Variants in ARL8B observed in about 807,000 individuals in gnomAD.
ARL8B encodes the protein ADP-ribosylation factor-like protein 8B.
In ARL8B, 9 loss-of-function variants were observed where a neutral mutation model predicts 30.6. The observed-to-expected ratio is 0.29, with a 90% CI of 0.18 to 0.51. The LOEUF is 0.51. Among genes scored for constraint, ARL8B ranks in the 20% least tolerant of loss-of-function variants. ARL8B has a pLI of 0.97. For missense variants in ARL8B, 130 were observed against 227.2 expected (o/e 0.57, Z 2.75); for synonymous variants, 74 against 76.0 (o/e 0.97, Z 0.14).
chr3:5,122,360 G>C lies in ARL8B; in HGVS notation c.-106G>C, dbSNP rs568261393. On this transcript the variant is annotated 5_prime_UTR_variant, in exon 1 of 7. Coordinates refer to ENST00000256496, the MANE Select transcript of ARL8B (RefSeq NM_018184.3). Reference sequence around the variant, plus strand: ...CGGTGTCCGCCCGTGTCGCGCCGGGGCACCAAGGAGCCGTTGGAGGGTCCG... The same window carrying C: ...CGGTGTCCGCCCGTGTCGCGCCGGGCCACCAAGGAGCCGTTGGAGGGTCCG... 1.9e-6 allele frequency: 3 copies of C among 1,563,298 alleles called. No individual in the cohort carries two copies. Among genetic ancestry groups the C allele is most frequent in the South Asian group, 1.2e-5 (1 of 86,318 alleles).
intron 4 of ARL8B, among the ~76,000 whole-genome samples, chr3:5,173,569 T>G (rs2054697544): frequency 6.6e-6 from 1 of 152,062 alleles, no homozygotes; most frequent in African/African-American, 2.4e-5. Context: ...ACCCCGTCTC[T>G]ACTACAAAAA....
intron 1 of ARL8B, among the ~76,000 whole-genome samples, chr3:5,141,985 C>A (rs1051036522): frequency 6.6e-6 from 1 of 152,232 alleles, no homozygotes; most frequent in South Asian, 2.1e-4. Context: ...TTCGGCACTC[C>A]CCTAGGGACT....
At chr3:5,134,231 A>G (rs1321513178) in intron 1 of ARL8B, among the ~76,000 whole-genome samples, 5 of 152,180 alleles carry the variant, frequency 3.3e-5, no homozygotes, top group Non-Finnish European at 5.9e-5. Flanking sequence ...CGTTTTGCCA[A>G]TGTTTCGGAC....
intron 1 of ARL8B, among the ~76,000 whole-genome samples, chr3:5,159,178 T>C (rs2054557786): frequency 1.3e-5 from 2 of 151,686 alleles, no homozygotes; most frequent in South Asian, 4.2e-4. Flanking sequence ...TGTGTGCCTG[T>C]AGTCCCAGTT....
chr3:5,163,275 C>A (rs922552044), intron 1 of ARL8B, among the ~76,000 whole-genome samples: 8 of 151,974 alleles, frequency 5.3e-5, no homozygotes, highest in Non-Finnish European at 8.8e-5. Context: ...GTGTGAGCCA[C>A]CACGCCTGAC....
At chr3:5,146,065 A>G (rs914787682) in intron 1 of ARL8B, among the ~76,000 whole-genome samples, 23 of 152,242 alleles carry the variant, frequency 1.5e-4, no homozygotes, top group Admixed American at 1.4e-3. Context: ...GAATTCCTCC[A>G]GGACTTTTTC....
At chr3:5,144,373 T>C (rs1407493920) in intron 1 of ARL8B, among the ~76,000 whole-genome samples, 1 of 152,222 alleles carries the variant, frequency 6.6e-6, no homozygotes, top group African/African-American at 2.4e-5. Context: ...GCCTGTTTTC[T>C]AATCACCTTT....
intron 1 of ARL8B, among the ~76,000 whole-genome samples, chr3:5,149,629 C>G (rs1409644456): frequency 6.6e-6 from 1 of 152,178 alleles, no homozygotes; most frequent in African/African-American, 2.4e-5. Flanking sequence ...CGTCCCCTTC[C>G]CCACTTAAGT....
At chr3:5,135,187 T>G (rs1410492332) in intron 1 of ARL8B, among the ~76,000 whole-genome samples, 8 of 152,206 alleles carry the variant, frequency 5.3e-5, no homozygotes, top group African/African-American at 1.9e-4. Flanking sequence ...ATATAGTTCC[T>G]AGACATCCTA....
At chr3:5,149,753 G>C (rs186042649) in intron 1 of ARL8B, among the ~76,000 whole-genome samples, 1 of 152,090 alleles carries the variant, frequency 6.6e-6, no homozygotes, top group African/African-American at 2.4e-5. Flanking sequence ...TGTTACATCC[G>C]CAGGCTGGCT....
At chr3:5,123,588 C>G (rs1214319986) in intron 1 of ARL8B, among the ~76,000 whole-genome samples, 1 of 152,176 alleles carries the variant, frequency 6.6e-6, no homozygotes, top group Non-Finnish European at 1.5e-5. Flanking sequence ...AGTTTTAGAA[C>G]TGTTCTGAAG....
chr3:5,141,730 C>T (rs753221807), intron 1 of ARL8B, among the ~76,000 whole-genome samples: 1 of 152,188 alleles, frequency 6.6e-6, no homozygotes, highest in Non-Finnish European at 1.5e-5. Context: ...ACGTTTCCCA[C>T]CCAGCATAAC....
chr3:5,159,661 A>G (rs1024475931), intron 1 of ARL8B, among the ~76,000 whole-genome samples: 4 of 151,644 alleles, frequency 2.6e-5, no homozygotes, highest in African/African-American at 9.7e-5. Context: ...TTTTTGTTAC[A>G]TACATATCTT....
intron 1 of ARL8B, among the ~76,000 whole-genome samples, chr3:5,130,034 T>C (rs367804625): frequency 4.6e-5 from 7 of 151,598 alleles, no homozygotes; most frequent in African/African-American, 1.7e-4. Context: ...CAGCTAGTTT[T>C]TGTATTTTTA....
chr3:5,157,446 G>C (rs1298190469), intron 1 of ARL8B, among the ~76,000 whole-genome samples: 1 of 151,980 alleles, frequency 6.6e-6, no homozygotes, highest in Non-Finnish European at 1.5e-5. Flanking sequence ...TCTGTCTCAG[G>C]GGCCACAAGG....
chr3:5,177,218 A>G (rs542000573), intron 6 of ARL8B, among the ~76,000 whole-genome samples: 1 of 152,344 alleles, frequency 6.6e-6, no homozygotes, highest in East Asian at 1.9e-4. Context: ...ATAGTTGGCT[A>G]AATAGCTCAG....
At chr3:5,147,015 T>C (rs886922305) in intron 1 of ARL8B, among the ~76,000 whole-genome samples, 3 of 133,764 alleles carry the variant, frequency 2.2e-5, no homozygotes, top group Non-Finnish European at 4.6e-5. Flanking sequence ...GATTACCTTT[T>C]CTTCCTCTTT....
At chr3:5,172,556 T>C in intron 3 of ARL8B, 91 bp from the exon 4 acceptor site, 1 of 891,760 alleles carries the variant, frequency 1.1e-6, no homozygotes, top group South Asian at 1.7e-5. Context: ...TTCAATAATG[T>C]AAATCTTACA....
At chr3:5,144,650 AC>A (rs1196796817) in intron 1 of ARL8B, among the ~76,000 whole-genome samples, 1 of 152,086 alleles carries the variant, frequency 6.6e-6, no homozygotes, top group Non-Finnish European at 1.5e-5. Flanking sequence ...CCTTAATACT[AC>A]CTTAGGGATG....
Sources: allele counts gnomAD v4.1 joint callset (sites outside exome capture counted in the v4.1 genomes callset), GRCh38; gene constraint gnomAD v4.1.1; transcripts MANE v1.5; gene names NCBI Gene and HGNC (gene_info 2026-07-23, HGNC 2026-07-21).